The following RRAGB variants were observed in gnomAD, a reference collection of about 807,000 sequenced individuals.
RRAGB encodes the protein Ras related GTP binding B.
A neutral mutation model predicts 29.3 loss-of-function variants in RRAGB; 6 were observed. The ratio of observed to expected loss-of-function variants is 0.21; its 90% CI spans 0.11 to 0.40. RRAGB has a LOEUF of 0.40. Ranked by LOEUF, RRAGB falls within the 10% of genes least tolerant of loss-of-function variation. RRAGB has a pLI of 1.00. For synonymous variants in RRAGB, 101 were observed against 92.5 expected, an observed-to-expected ratio of 1.09 and a Z score of -0.53; for missense variants, 184 against 272.9, an observed-to-expected ratio of 0.67 and a Z score of 2.29.
At chrX:55,734,362 A>G (rs989033905) in intron 5 of RRAGB, among the ~76,000 whole-genome samples, 2 of 107,973 alleles carry the variant, frequency 1.9e-5, no homozygotes, top group Non-Finnish European at 3.8e-5. Flanking sequence ...GTGTGGTTGT[A>G]TATTTCCAAG....
chrX:55,736,190 TG>T (rs1380727524), intron 5 of RRAGB, among the ~76,000 whole-genome samples: 1 of 112,493 alleles, frequency 8.9e-6, no homozygotes, highest in Non-Finnish European at 1.9e-5. Context: ...TTTCCTCAAA[TG>T]GGTTTTCCAA....
intron 5 of RRAGB, among the ~76,000 whole-genome samples, chrX:55,739,938 T>A (rs1245998510): frequency 8.9e-6 from 1 of 112,919 alleles, no homozygotes; most frequent in African/African-American, 3.2e-5. Flanking sequence ...GTATATTCTT[T>A]ATTTTATTAA....
intron 7 of RRAGB, among the ~76,000 whole-genome samples, chrX:55,754,188 C>G (rs371818100): frequency 1.7e-4 from 19 of 112,784 alleles, no homozygotes; most frequent in African/African-American, 5.8e-4. Flanking sequence ...CTCTAAAAGA[C>G]TCATTGAAAA....
chrX:55,733,458 A>C (rs1480462480), intron 5 of RRAGB, among the ~76,000 whole-genome samples: 1 of 104,847 alleles, frequency 9.5e-6, no homozygotes. Flanking sequence ...GGCTCTTACT[A>C]TTTTGAGGTA....
chrX:55,735,542 T>C (rs1014736921), intron 5 of RRAGB, among the ~76,000 whole-genome samples: 2 of 112,163 alleles, frequency 1.8e-5, no homozygotes, highest in African/African-American at 6.5e-5. Flanking sequence ...ACAGCAGATA[T>C]TTGGTTTGTG....
At chrX:55,730,019 C>G (rs955503747) in intron 4 of RRAGB, among the ~76,000 whole-genome samples, 6 of 111,970 alleles carry the variant, frequency 5.4e-5, no homozygotes, top group African/African-American at 1.9e-4. Context: ...TTTAAACTCT[C>G]TGAGCCACAG....
intron 5 of RRAGB, among the ~76,000 whole-genome samples, chrX:55,736,839 T>C (rs2033881303): frequency 8.9e-6 from 1 of 112,118 alleles, no homozygotes; most frequent in African/African-American, 3.2e-5. Flanking sequence ...AGGCTCACTG[T>C]CTCCCATGGG....
At chrX:55,748,348 G>T (rs1238746222) in intron 5 of RRAGB, among the ~76,000 whole-genome samples, 1 of 108,855 alleles carries the variant, frequency 9.2e-6, no homozygotes, top group Admixed American at 9.7e-5. Context: ...GATGTGAGGA[G>T]CCCCTCTGCC....
chrX:55,723,777 C>T (rs201304289), intron 3 of RRAGB, among the ~76,000 whole-genome samples: 7 of 111,170 alleles, frequency 6.3e-5, no homozygotes, highest in Admixed American at 9.6e-5. Context: ...AAACTGGCCT[C>T]GAACTCCTGA....
chrX:55,726,368 C>T (rs943953285), intron 3 of RRAGB, among the ~76,000 whole-genome samples: 13 of 111,045 alleles, frequency 1.2e-4, no homozygotes, highest in East Asian at 1.1e-3. Context: ...TGTATACAAT[C>T]GTGCATATGC....
chrX:55,737,897 AG>A (rs2033918889), intron 5 of RRAGB, among the ~76,000 whole-genome samples: 1 of 112,697 alleles, frequency 8.9e-6, no homozygotes, highest in African/African-American at 3.2e-5. Context: ...GCTCAGGTCC[AG>A]GGGGAACTTG....
chrX:55,732,536 T>C (rs1434692693), intron 5 of RRAGB, among the ~76,000 whole-genome samples: 2 of 111,795 alleles, frequency 1.8e-5, no homozygotes, highest in Non-Finnish European at 3.8e-5. Flanking sequence ...AGGAATACTT[T>C]TTTATATGAC....
intron 5 of RRAGB, among the ~76,000 whole-genome samples, chrX:55,743,176 T>C (rs1381757597): frequency 8.9e-6 from 1 of 112,535 alleles, no homozygotes; most frequent in Non-Finnish European, 1.9e-5. Context: ...GTGAGTTCCT[T>C]GATCAGAAGC....
chrX:55,736,230 A>T (rs2033859458), intron 5 of RRAGB, among the ~76,000 whole-genome samples: 1 of 112,288 alleles, frequency 8.9e-6, no homozygotes, highest in African/African-American at 3.2e-5. Context: ...TCCCTCAGGA[A>T]CACCTGTGAT....
At chrX:55,743,028 G>A (rs1179955439) in intron 5 of RRAGB, among the ~76,000 whole-genome samples, 2 of 111,614 alleles carry the variant, frequency 1.8e-5, no homozygotes, top group Non-Finnish European at 3.8e-5. Flanking sequence ...AACATAGTGA[G>A]ATGCATCTCT....
chrX:55,721,955 C>A (rs1175958475), intron 2 of RRAGB, among the ~76,000 whole-genome samples: 1 of 112,499 alleles, frequency 8.9e-6, no homozygotes, highest in African/African-American at 3.2e-5. Context: ...ATTCTGTCAC[C>A]TAAAGGATGT....
chrX:55,749,030 C>G (rs1324244672), intron 5 of RRAGB, among the ~76,000 whole-genome samples: 1 of 93,630 alleles, frequency 1.1e-5, no homozygotes, highest in Non-Finnish European at 2.2e-5. Flanking sequence ...GCCTCCCGCC[C>G]GGCCAGCCGC....
chrX:55,734,199 A>G (rs758123559), intron 5 of RRAGB, among the ~76,000 whole-genome samples: 1 of 108,304 alleles, frequency 9.2e-6, no homozygotes, highest in South Asian at 4.0e-4. Context: ...TCCTGACCTC[A>G]TGATCCGCCT....
chrX:55,735,230 C>G (rs2033828262), intron 5 of RRAGB, among the ~76,000 whole-genome samples: 1 of 112,114 alleles, frequency 8.9e-6, no homozygotes, highest in South Asian at 3.7e-4. Flanking sequence ...TAGTCCTCCA[C>G]TATAATTGTA....
Sources: allele counts gnomAD v4.1 joint callset (sites outside exome capture counted in the v4.1 genomes callset), GRCh38; gene constraint gnomAD v4.1.1; transcripts MANE v1.5; gene names NCBI Gene and HGNC (gene_info 2026-07-23, HGNC 2026-07-21).